Variants in LRMDA observed in about 807,000 individuals in gnomAD.
The protein encoded by LRMDA is leucine rich melanocyte differentiation associated, also known as leucine-rich melanocyte differentiation-associated protein.
Under a neutral mutation model 29.8 loss-of-function variants are expected in LRMDA, and 18 were observed. The ratio of observed to expected loss-of-function variants is 0.60; its 90% CI spans 0.42 to 0.90. LRMDA has a LOEUF of 0.90. LRMDA is among the 40% of genes least tolerant of loss of function. LRMDA has a pLI of 0.00. For synonymous variants in LRMDA, 125 were observed against 109.4 expected (o/e 1.14, Z -0.89); for missense variants, 273 against 273.9 (o/e 1.00, Z 0.02).
chr10:76,426,210 G>A (rs1176503494), intron 6 of LRMDA, among the ~76,000 whole-genome samples: 1 of 152,186 alleles, frequency 6.6e-6, no homozygotes, highest in East Asian at 1.9e-4. Flanking sequence ...CTAGTTTTCA[G>A]TCCCATCAAC....
chr10:75,587,259 C>T (rs1292800757), intron 2 of LRMDA, among the ~76,000 whole-genome samples: 1 of 152,122 alleles, frequency 6.6e-6, no homozygotes, highest in Admixed American at 6.6e-5. Flanking sequence ...AATTTACATT[C>T]ATAGTAGCTT....
At chr10:76,077,559 G>A (rs1848979830) in intron 5 of LRMDA, among the ~76,000 whole-genome samples, 1 of 152,132 alleles carries the variant, frequency 6.6e-6, no homozygotes, top group African/African-American at 2.4e-5. Context: ...ATGCTAGAAG[G>A]AAGGAAGTAG....
chr10:76,231,505 C>G (rs1852058252), intron 5 of LRMDA, among the ~76,000 whole-genome samples: 1 of 152,146 alleles, frequency 6.6e-6, no homozygotes, highest in African/African-American at 2.4e-5. Flanking sequence ...CTGCTGGTTT[C>G]CTTTCCTTTT....
At chr10:76,460,777 TC>T in intron 6 of LRMDA, among the ~76,000 whole-genome samples, 1 of 152,292 alleles carries the variant, frequency 6.6e-6, no homozygotes, top group East Asian at 1.9e-4. Context: ...TAAGGAAAGT[TC>T]TTTCCCTCTA....
chr10:76,489,606 T>C (rs1842813580), intron 6 of LRMDA, among the ~76,000 whole-genome samples: 1 of 151,924 alleles, frequency 6.6e-6, no homozygotes, highest in Non-Finnish European at 1.5e-5. Context: ...CATCCTTAGG[T>C]TATTCATTTG....
chr10:76,458,205 A>G (rs1377208107), intron 6 of LRMDA, among the ~76,000 whole-genome samples: 1 of 151,808 alleles, frequency 6.6e-6, no homozygotes, highest in Non-Finnish European at 1.5e-5. Flanking sequence ...GCACCCATAG[A>G]GGGGAGTCAC....
At chr10:76,508,253 G>T (rs1264907787) in intron 6 of LRMDA, among the ~76,000 whole-genome samples, 4 of 152,096 alleles carry the variant, frequency 2.6e-5, no homozygotes, top group African/African-American at 9.7e-5. Context: ...TATCTTGTGG[G>T]GAGATATTTT....
chr10:76,329,684 A>T (rs181058355), intron 6 of LRMDA, among the ~76,000 whole-genome samples: 22 of 152,310 alleles, frequency 1.4e-4, no homozygotes, highest in Admixed American at 1.4e-3. Flanking sequence ...ACTGTCACAA[A>T]GTAATTTATA....
intron 2 of LRMDA, among the ~76,000 whole-genome samples, chr10:75,895,884 T>A (rs974022522): frequency 1.3e-5 from 2 of 152,162 alleles, no homozygotes; most frequent in Non-Finnish European, 2.9e-5. Context: ...ATGAGTATGG[T>A]GAAGTGAGTA....
intron 2 of LRMDA, among the ~76,000 whole-genome samples, chr10:76,000,366 C>T (rs534201348): frequency 1.3e-4 from 20 of 152,288 alleles, no homozygotes; most frequent in Admixed American, 1.3e-3. Context: ...CCATCAGCCT[C>T]CCTCCCGGTG....
chr10:76,363,116 GGAAAGAAAGAAAGAAAGAAA>G (rs1192417224), intron 6 of LRMDA, among the ~76,000 whole-genome samples: 38 of 51,516 alleles, frequency 7.4e-4, no homozygotes, highest in Middle Eastern at 8.5e-3. Context: ...TGTGGAGTAA[GGAAAGAAAGAAAGAAAGAAA>G]GAAAGAAAGA....
At chr10:75,694,443 T>C (rs925510084) in intron 2 of LRMDA, among the ~76,000 whole-genome samples, 3 of 152,176 alleles carry the variant, frequency 2.0e-5, no homozygotes, top group African/African-American at 7.2e-5. Flanking sequence ...CTTTTTTGCA[T>C]GAAATTTTTA....
chr10:75,513,507 C>T (rs962239517), intron 2 of LRMDA, among the ~76,000 whole-genome samples: 1 of 152,138 alleles, frequency 6.6e-6, no homozygotes, highest in African/African-American at 2.4e-5. Context: ...AACAAAGTAC[C>T]ACAAACTCAG....
At chr10:75,740,265 C>T (rs568298599) in intron 2 of LRMDA, among the ~76,000 whole-genome samples, 34 of 152,298 alleles carry the variant, frequency 2.2e-4, no homozygotes, top group African/African-American at 7.0e-4. Flanking sequence ...CGCAGACCGA[C>T]GGGAGCTGGA....
At chr10:75,432,754 C>T (rs546763873) in intron 1 of LRMDA, among the ~76,000 whole-genome samples, 17 of 152,324 alleles carry the variant, frequency 1.1e-4, no homozygotes, top group African/African-American at 4.1e-4. Flanking sequence ...TTTTACAGCT[C>T]CTACAGATGC....
intron 2 of LRMDA, among the ~76,000 whole-genome samples, chr10:75,588,472 AC>A (rs1315517424): frequency 2.6e-5 from 4 of 152,092 alleles, no homozygotes; most frequent in Non-Finnish European, 2.9e-5. Flanking sequence ...AAACTTCCCC[AC>A]CCCTGCTGTA....
At chr10:76,514,372 T>C (rs1057421407) in intron 6 of LRMDA, among the ~76,000 whole-genome samples, 3 of 151,966 alleles carry the variant, frequency 2.0e-5, no homozygotes, top group African/African-American at 7.3e-5. Context: ...AGTTGTCAGG[T>C]GGTTGCTTAG....
chr10:75,605,991 G>A (rs1840951559), intron 2 of LRMDA, among the ~76,000 whole-genome samples: 1 of 152,122 alleles, frequency 6.6e-6, no homozygotes, highest in Admixed American at 6.5e-5. Context: ...CCAAGTAGCT[G>A]TAACTACAGG....
intron 2 of LRMDA, among the ~76,000 whole-genome samples, chr10:75,941,423 G>A (rs1423063005): frequency 6.6e-6 from 1 of 152,182 alleles, no homozygotes; most frequent in Non-Finnish European, 1.5e-5. Context: ...AGCATAAGGA[G>A]GGGTGGCTAT....
Sources: allele counts gnomAD v4.1 joint callset (sites outside exome capture counted in the v4.1 genomes callset), GRCh38; gene constraint gnomAD v4.1.1; transcripts MANE v1.5; gene names NCBI Gene and HGNC (gene_info 2026-07-23, HGNC 2026-07-21).